Variants in MYO16 observed in about 807,000 individuals in gnomAD.
MYO16 encodes unconventional myosin-XVI.
Under a neutral mutation model 205.3 loss-of-function variants are expected in MYO16, and 94 were observed. That is an observed-to-expected ratio of 0.46 (90% CI 0.39 to 0.54). The LOEUF (loss-of-function observed/expected upper bound fraction) is 0.54. Ranked by LOEUF, MYO16 falls within the 20% of genes least tolerant of loss-of-function variation. The pLI is 0.00. For synonymous variants in MYO16, 988 were observed against 954.0 expected (o/e 1.04, Z -0.66); for missense variants, 2,315 against 2,387.5 (o/e 0.97, Z 0.63).
chr13:108,516,197 G>A, the MYO16 span, among the ~76,000 whole-genome samples: 5 of 152,032 alleles, frequency 3.3e-5, no homozygotes, highest in Admixed American at 2.6e-4. Flanking sequence ...TTTTTAAGCC[G>A]GTCTGAAAAG....
At chr13:109,065,625 T>G (rs753749555) in intron 27 of MYO16, 3 of 461,888 alleles carry the variant, frequency 6.5e-6, no homozygotes, top group African/African-American at 4.1e-5. Flanking sequence ...AAAGCTGCCT[T>G]TATCACCCTG....
chr13:109,055,519 A>G lies in MYO16; in HGVS notation c.3259A>G (p.Ile1087Val), dbSNP rs1301186711. The change falls in exon 27 of 35, where the codon ATT becomes GTT. Residue 1087 changes from isoleucine (I) to valine (V), a missense_variant. Transcript: ENST00000457511. This position sits in a 1 kb window ranked among gnomAD's most constrained non-coding sequence, Gnocchi z 5.0. The stretch of plus-strand genomic sequence containing the variant: ...TTACGTGTCTGCTCAGCTACAATAT[A>G]TTGGGGTCCTGGAGATGGTGAAGAT... ...NFYVSAQLQYIGVLEMVKIFR... is the reference protein window; with the variant it reads ...NFYVSAQLQYVGVLEMVKIFR... 7 of 1,612,994 alleles carry G rather than the reference A, an allele frequency of 4.3e-6. No homozygotes were observed. The highest frequency in any genetic ancestry group is 2.2e-5 in the South Asian group (2 of 91,066).
chr13:108,940,964 T>A (rs968573197), intron 16 of MYO16, among the ~76,000 whole-genome samples: 1 of 152,244 alleles, frequency 6.6e-6, no homozygotes, highest in Non-Finnish European at 1.5e-5. Flanking sequence ...AGGAGTATAA[T>A]GTGTCTGTAG....
At chr13:109,111,255 G>A (rs1298132938) in intron 28 of MYO16, among the ~76,000 whole-genome samples, 1 of 152,110 alleles carries the variant, frequency 6.6e-6, no homozygotes, top group Non-Finnish European at 1.5e-5. Context: ...AATAGAACAG[G>A]GTTGTGAAGG....
rs1876179865 is a variant in MYO16 at position 109,125,082 on chromosome 13, A to G, written c.3536-30A>G. 1.9e-6 allele frequency: 3 copies of G among 1,605,658 alleles called. No homozygotes were observed. Among genetic ancestry groups the G allele is most frequent in the Admixed American group, 1.7e-5 (1 of 58,752 alleles). ...TGTCTGAGTTTTTCACTTTTCCTCC[A>G]TTTACTAACCCATGATCCTTCTATA... On this transcript the variant is annotated intron_variant, in intron 29 of 34. Coordinates refer to ENST00000457511, the MANE Select transcript of MYO16 (RefSeq NM_001198950.3). The surrounding 1 kb of genome is among the most constrained non-coding windows in gnomAD (Gnocchi z 4.0).
At chr13:108,765,245 A>G (rs1020968362) in intron 4 of MYO16, among the ~76,000 whole-genome samples, 1 of 152,214 alleles carries the variant, frequency 6.6e-6, no homozygotes, top group Non-Finnish European at 1.5e-5. Context: ...CAGTTGCATT[A>G]TATAAATATC....
chr13:108,695,291 T>C (rs777336583), intron 2 of MYO16, among the ~76,000 whole-genome samples: 4 of 152,222 alleles, frequency 2.6e-5, no homozygotes, highest in Non-Finnish European at 5.9e-5. Context: ...TCCTTCCTCA[T>C]TGAATGATCT....
chr13:108,850,774 G>T (rs1036129751), intron 10 of MYO16, among the ~76,000 whole-genome samples: 2 of 152,178 alleles, frequency 1.3e-5, no homozygotes, highest in African/African-American at 4.8e-5. Flanking sequence ...CGTGAGAAAT[G>T]CAAGGAACTC....
the MYO16 span, among the ~76,000 whole-genome samples, chr13:108,586,170 G>C: frequency 6.6e-6 from 1 of 151,430 alleles, no homozygotes; most frequent in Non-Finnish European, 1.5e-5. Flanking sequence ...ATGTATCCCA[G>C]ATAAAAAAAG....
chr13:109,010,976 T>TATATATATATATA (rs59979915), intron 22 of MYO16, among the ~76,000 whole-genome samples: 13 of 143,132 alleles, frequency 9.1e-5, no homozygotes, highest in African/African-American at 1.3e-4. Context: ...TATATATATA[T>TATATATATATATA]TTCTTCACCT....
chr13:108,743,694 T>C (rs1377125395), intron 4 of MYO16, among the ~76,000 whole-genome samples: 3 of 152,260 alleles, frequency 2.0e-5, no homozygotes, highest in Non-Finnish European at 2.9e-5. Context: ...GAGTGTGCCC[T>C]GTTCTGTAAG....
At chr13:108,820,049 TACG>T (rs1875878861) in intron 7 of MYO16, among the ~76,000 whole-genome samples, 1 of 152,222 alleles carries the variant, frequency 6.6e-6, no homozygotes, top group African/African-American at 2.4e-5. Flanking sequence ...ATCCTAAAAA[TACG>T]TATAATATAA....
At chr13:108,532,907 G>A in the MYO16 span, among the ~76,000 whole-genome samples, 1 of 152,134 alleles carries the variant, frequency 6.6e-6, no homozygotes, top group Non-Finnish European at 1.5e-5. Flanking sequence ...ACCTTAGAAA[G>A]TGAGGTCCCT....
chr13:109,180,263 C>A (rs1478450732), intron 34 of MYO16, among the ~76,000 whole-genome samples: 1 of 152,072 alleles, frequency 6.6e-6, no homozygotes, highest in Non-Finnish European at 1.5e-5. Flanking sequence ...AAAAAAAGAA[C>A]CCATTTGTGC....
chr13:108,940,550 G>A (rs1397641844), intron 16 of MYO16, among the ~76,000 whole-genome samples: 1 of 152,074 alleles, frequency 6.6e-6, no homozygotes, highest in African/African-American at 2.4e-5. Context: ...AACATTATTA[G>A]CACAATCCCA....
intron 15 of MYO16, among the ~76,000 whole-genome samples, chr13:108,902,413 G>A (rs531458849): frequency 2.5e-4 from 38 of 152,340 alleles, no homozygotes; most frequent in African/African-American, 8.9e-4. Context: ...CTTGTCTCCT[G>A]TGCCTGTTAG....
At chr13:109,154,101 G>T (rs910772565) in intron 32 of MYO16, among the ~76,000 whole-genome samples, 1 of 152,228 alleles carries the variant, frequency 6.6e-6, no homozygotes, top group African/African-American at 2.4e-5. Flanking sequence ...CCAGAATTTC[G>T]AGAAGAATTT....
At chr13:108,778,253 T>A (rs1360898542) in intron 4 of MYO16, among the ~76,000 whole-genome samples, 1 of 152,174 alleles carries the variant, frequency 6.6e-6, no homozygotes, top group Non-Finnish European at 1.5e-5. Context: ...CAATGGGACA[T>A]CTCCTCAGTC....
Position 109,049,650 on chromosome 13 carries a change from A to G in MYO16, c.2873-2650A>G, listed in dbSNP as rs1199573605. On this transcript the variant is annotated intron_variant, in intron 24 of 34. Transcript: ENST00000457511. ...TTTTATTAGAGGCATTTTCTCAATT[A>G]TAAGAATAAAATGTTGCATTGCTTA... Among the ~76,000 whole-genome samples, 5 of 152,100 alleles carry G rather than the reference A, an allele frequency of 3.3e-5. No homozygotes were observed. In the East Asian group the frequency reaches 9.6e-4, roughly 29 times the overall value.
Sources: allele counts gnomAD v4.1 joint callset (sites outside exome capture counted in the v4.1 genomes callset), GRCh38; gene constraint gnomAD v4.1.1; non-coding constraint Gnocchi (gnomAD v3.1); transcripts MANE v1.5; gene names NCBI Gene and HGNC (gene_info 2026-07-23, HGNC 2026-07-21).